Variants in GPR142 observed in about 807,000 individuals in gnomAD.
GPR142 encodes the protein G protein-coupled receptor 142.
Under a neutral mutation model 10.6 loss-of-function variants are expected in GPR142, and 9 were observed. The ratio of observed to expected loss-of-function variants is 0.85; its 90% CI spans 0.51 to 1.48. The LOEUF is 1.48. GPR142 is among the 40% of genes most tolerant of loss of function. The pLI, the probability that GPR142 is intolerant of heterozygous loss-of-function variation, is 0.00. For synonymous variants in GPR142, 202 were observed against 221.2 expected (o/e 0.91, Z 0.77); for missense variants, 482 against 506.0 (o/e 0.95, Z 0.45).
At position 74,371,798 on chromosome 17, in the gene GPR142, T is replaced by C; in HGVS notation, c.323T>C (p.Leu108Pro). 6.2e-7 allele frequency: 1 copy of C among 1,613,244 alleles called. No homozygotes were observed. Among genetic ancestry groups the C allele is most frequent in the Non-Finnish European group, 8.5e-7 (1 of 1,179,996 alleles). Reference protein sequence around the residue: ...TRTRRPSYYYLLALTASDIII... With the variant: ...TRTRRPSYYYPLALTASDIII... The stretch of plus-strand genomic sequence containing the variant: ...ACCAGGAGGCCCTCCTACTACTACC[T>C]TCTGGCGCTCACAGCCTCGGATATC... Residue 108 changes from leucine to proline, a missense_variant, in exon 4 of 4, where the codon CTT becomes CCT. Transcript: ENST00000582579.
intron 1 of GPR142, among the ~76,000 whole-genome samples, chr17:74,368,061 A>C (rs949175079): frequency 6.6e-6 from 1 of 152,214 alleles, no homozygotes. Flanking sequence ...CAGAAGGACC[A>C]CTTGAAGCCT....
Position 74,371,821 on chromosome 17 carries a change from ATCATCATCCAGGTGG to A in GPR142, c.352_366del (p.Ile118_Ile122del). The stretch of plus-strand genomic sequence containing the variant: ...CCTTCTGGCGCTCACAGCCTCGGAT[ATCATCATCCAGGTGG>A]TCATCGTGTTCGCGGGCTTCCTCCT... On this transcript the variant is annotated inframe_deletion, in exon 4 of 4. Coordinates refer to ENST00000582579, the MANE Select transcript of GPR142 (RefSeq NM_001331076.1). The A allele has an allele frequency of 6.2e-7, 1 of 1,613,714 alleles. No individual in the cohort carries two copies. Among genetic ancestry groups the A allele is most frequent in the African/African-American group, 1.3e-5 (1 of 75,068 alleles).
chr17:74,369,690 G>C, intron 2 of GPR142, 56 bp downstream of exon 2: 2 of 1,503,046 alleles, frequency 1.3e-6, no homozygotes, highest in Non-Finnish European at 1.8e-6. Flanking sequence ...AGGCAGGAGG[G>C]AACAGGAGGC....
Position 74,372,542 on chromosome 17 carries a change from G to A in GPR142, c.1067G>A (p.Gly356Asp). 2 of 1,612,048 alleles carry A rather than the reference G, an allele frequency of 1.2e-6. No individual in the cohort carries two copies. The highest frequency in any genetic ancestry group is 8.5e-7 in the Non-Finnish European group (1 of 1,180,034). The change falls in exon 4 of 4, where the codon GGC becomes GAC. Residue 356 changes from glycine (G) to aspartate (D), a missense_variant. Coordinates refer to ENST00000582579, the MANE Select transcript of GPR142 (RefSeq NM_001331076.1). ...TGCACTTTGGCATCACAGCCAGAGG[G>A]CATGGCGGCGAAGCCTGTGATGGAG... is the stretch of plus-strand genomic sequence containing the variant. ...LPCTLASQPE[G>D]MAAKPVMEPP...
At chr17:74,369,327 C>T in intron 1 of GPR142, 141 bp from the exon 2 acceptor site, 1 of 705,158 alleles carries the variant, frequency 1.4e-6, no homozygotes, top group Non-Finnish European at 2.3e-6. Context: ...AAGCCCCTGC[C>T]CAGCCCGACC....
At chr17:74,371,548 G>T (rs2055024634) in intron 3 of GPR142, among the ~76,000 whole-genome samples, 181 bp from the exon 4 acceptor site, 1 of 152,228 alleles carries the variant, frequency 6.6e-6, no homozygotes, top group South Asian at 2.1e-4. Flanking sequence ...GGACAGGGCA[G>T]AGCTGGCCTG....
At position 74,371,982 on chromosome 17, in the gene GPR142, C is replaced by T; in HGVS notation, c.507C>T (p.Tyr169=). The stretch of plus-strand genomic sequence containing the variant: ...CCATCCTGCTCACGGTTGACCGCTA[C>T]ACTGCCCTGTGCCACCCCCTGCACC... ...WIAILLTVDR[Y]TALCHPLHHR... is the part of the protein sequence containing the mutation. The change falls in exon 4 of 4, where the codon TAC becomes TAT. Residue 169 remains tyrosine (Y), a synonymous_variant. Coordinates refer to ENST00000582579, the MANE Select transcript of GPR142 (RefSeq NM_001331076.1). The T allele has an allele frequency of 1.9e-6, 3 of 1,612,972 alleles. No homozygotes were observed. The highest frequency in any genetic ancestry group is 2.5e-6 in the Non-Finnish European group (3 of 1,179,946).
Position 74,367,603 on chromosome 17 carries a change from A to C in GPR142, c.-265A>C. 2 of 1,614,200 alleles carry C rather than the reference A, an allele frequency of 1.2e-6. No individual in the cohort carries two copies. The highest frequency in any genetic ancestry group is 1.7e-6 in the Non-Finnish European group (2 of 1,180,018). On this transcript the variant is annotated 5_prime_UTR_variant, in exon 1 of 4. Coordinates refer to ENST00000582579, the MANE Select transcript of GPR142 (RefSeq NM_001331076.1). Reference sequence around the variant, plus strand: ...GTCCTGGGTACAGAAGCATATACTGAGGAAGACAAATCAATGGTGTCCCAT... The same window carrying C: ...GTCCTGGGTACAGAAGCATATACTGCGGAAGACAAATCAATGGTGTCCCAT...
rs566729703 is a variant in GPR142, at chr17:74,370,373, C to T, written c.95-148C>T. ...AGGGTGGTCTTGGCAAGAATTCTCA[C>T]AGCAACAGACAGTGCACTCAGCTGG... On this transcript the variant is annotated intron_variant, in intron 2 of 3. Transcript: ENST00000582579. The T allele has an allele frequency of 8.2e-5, 59 of 716,970 alleles. No individual in the cohort carries two copies. The East Asian group carries it at 1.8e-3, about 21-fold the overall frequency. The allele number at this position is 716,970 out of a possible 1,614,324, so 44.4% of individuals were successfully genotyped here.
At chr17:74,369,190 G>C (rs1247947593) in intron 1 of GPR142, among the ~76,000 whole-genome samples, 1 of 151,672 alleles carries the variant, frequency 6.6e-6, no homozygotes, top group African/African-American at 2.4e-5. Context: ...AGAGTGCCCC[G>C]GGGCACGAGG....
chr17:74,371,884 C>T lies in GPR142; in HGVS notation c.409C>T (p.Gln137Ter). ...CCTGCAGGGAGCAGTGCTGGCCCGC[C>T]AGGTGCCCCAGGCTGTGGTGCGCAC... ...FLLQGAVLAR[Q>*]VPQAVVRTAN... is the part of the protein sequence containing the mutation. Residue 137 changes from glutamine to a stop codon, truncating the protein, a stop_gained, in exon 4 of 4, where the codon CAG becomes TAG. Transcript: ENST00000582579. LOFTEE classifies it low-confidence loss of function (END_TRUNC). 6.2e-7 allele frequency: 1 copy of T among 1,613,246 alleles called. No homozygotes were observed. The highest frequency in any genetic ancestry group is 8.5e-7 in the Non-Finnish European group (1 of 1,180,010).
chr17:74,369,397 C>T (rs2055005936), intron 1 of GPR142, 71 bp from the exon 2 acceptor site: 34 of 1,459,280 alleles, frequency 2.3e-5, no homozygotes, highest in Non-Finnish European at 3.2e-5. Context: ...TCTACTCTAG[C>T]TCTTTCCCCG....
Position 74,372,199 on chromosome 17 carries a change from C to T in GPR142, c.724C>T (p.Leu242=). The change falls in exon 4 of 4, where the codon CTG becomes TTG. Residue 242 remains leucine (L), a synonymous_variant. Coordinates refer to ENST00000582579, the MANE Select transcript of GPR142 (RefSeq NM_001331076.1). ...CTATTTCATCCCTTGTGGCGTGTTC[C>T]TGGTCACCAACTCGGCCATCATCCA... is the stretch of plus-strand genomic sequence containing the variant. ...TVYFIPCGVF[L]VTNSAIIHRL... is the part of the protein sequence containing the mutation. The T allele has an allele frequency of 1.2e-6, 2 of 1,614,152 alleles. No individual in the cohort carries two copies. Among genetic ancestry groups the T allele is most frequent in the Non-Finnish European group, 1.7e-6 (2 of 1,179,970 alleles).
chr17:74,369,142 C>T, intron 1 of GPR142, among the ~76,000 whole-genome samples: 1 of 152,108 alleles, frequency 6.6e-6, no homozygotes, highest in Non-Finnish European at 1.5e-5. Context: ...AAGTCCTCAG[C>T]CCCAGGTTTG....
chr17:74,368,007 A>G (rs1423879206), intron 1 of GPR142, among the ~76,000 whole-genome samples: 1 of 152,178 alleles, frequency 6.6e-6, no homozygotes, highest in East Asian at 1.9e-4. Flanking sequence ...TGGGCTTGGC[A>G]TGGTGACTCA....
At chr17:74,370,372 A>T in intron 2 of GPR142, 149 bp from the exon 3 acceptor site, 1 of 708,110 alleles carries the variant, frequency 1.4e-6, no homozygotes, top group Non-Finnish European at 2.1e-6. Flanking sequence ...AAGAATTCTC[A>T]CAGCAACAGA....
At chr17:74,370,396 T>G in intron 2 of GPR142, 125 bp from the exon 3 acceptor site, 1 of 939,692 alleles carries the variant, frequency 1.1e-6, no homozygotes, top group Non-Finnish European at 1.5e-6. Flanking sequence ...TGCACTCAGC[T>G]GGGTCTGACT....
intron 1 of GPR142, among the ~76,000 whole-genome samples, chr17:74,368,314 G>A (rs2144336167): frequency 6.6e-6 from 1 of 152,240 alleles, no homozygotes; most frequent in South Asian, 2.1e-4. Context: ...ACTTTCTGGG[G>A]CTGGGGTCCC....
chr17:74,369,364 C>A, intron 1 of GPR142, 104 bp from the exon 2 acceptor site: 1 of 1,108,878 alleles, frequency 9.0e-7, no homozygotes, highest in Non-Finnish European at 1.3e-6. Flanking sequence ...CGCCTTAGAG[C>A]ACCCTGGTTT....
Sources: gnomAD v4.1 joint callset for allele counts (sites outside exome capture counted in the v4.1 genomes callset) on GRCh38, gnomAD v4.1.1 for gene constraint, MANE v1.5 for transcripts, NCBI Gene and HGNC (gene_info 2026-07-23, HGNC 2026-07-21) for gene names.